ADGRL1: variants seen among roughly 807,000 people sequenced by gnomAD.
The protein encoded by ADGRL1 is adhesion G protein-coupled receptor L1, also known as CIRL-1.
ADGRL1 carries 31 observed loss-of-function variants against 148.9 expected under a neutral mutation model. That is an observed-to-expected ratio of 0.21 (90% confidence interval 0.16 to 0.28). The LOEUF is 0.28. ADGRL1 is among the 10% of genes least tolerant of loss of function. ADGRL1 has a pLI of 1.00. For missense variants in ADGRL1, 1,521 were observed against 2,058.8 expected (o/e 0.74, Z 5.05); for synonymous variants, 937 against 900.3 (o/e 1.04, Z -0.73).
rs746372140 is a variant in ADGRL1, at chr19:14,163,198, G to T, written c.603C>A (p.Arg201=). The part of the protein sequence containing the change: ...YVAARHTTTY[R]LPNRVDGTGF... ...CTGTGCCATCCACGCGGTTGGGCAG[G>T]CGGTAGGTGGTGGTGTGGCGGGCGG... is the stretch of plus-strand genomic sequence containing the variant. Residue 201 remains arginine (R), a synonymous_variant, in exon 5 of 23, where the codon CGC becomes CGA. Transcript: ENST00000361434. 1.9e-6 allele frequency: 3 copies of T among 1,614,058 alleles called. No individual in the cohort carries two copies. Among genetic ancestry groups the T allele is most frequent in the Non-Finnish European group, 2.5e-6 (3 of 1,180,026 alleles).
intron 2 of ADGRL1, among the ~76,000 whole-genome samples, chr19:14,179,320 CCATCTCT>C (rs1285560229): frequency 6.6e-6 from 1 of 152,080 alleles, no homozygotes; most frequent in Non-Finnish European, 1.5e-5. Context: ...CGGTGAAACC[CCATCTCT>C]ACCAAAAATA....
At chr19:14,203,169 A>AC (rs1972727149) in intron 1 of ADGRL1, among the ~76,000 whole-genome samples, 1 of 150,782 alleles carries the variant, frequency 6.6e-6, no homozygotes, top group African/African-American at 2.4e-5. Flanking sequence ...GACCCAGGGA[A>AC]CCCCCGCCTC....
intron 2 of ADGRL1, among the ~76,000 whole-genome samples, chr19:14,178,696 T>C (rs1970986636): frequency 1.3e-5 from 2 of 152,156 alleles, no homozygotes; most frequent in Non-Finnish European, 2.9e-5. Flanking sequence ...TTTTACATTG[T>C]TTCATAGAAA....
intron 3 of ADGRL1, among the ~76,000 whole-genome samples, chr19:14,173,452 G>A (rs1970612871): frequency 6.6e-6 from 1 of 152,066 alleles, no homozygotes; most frequent in Non-Finnish European, 1.5e-5. Flanking sequence ...GAGAAAACAT[G>A]GTATATACAA....
At chr19:14,174,972 G>T (rs888643666) in intron 3 of ADGRL1, among the ~76,000 whole-genome samples, 1 of 151,500 alleles carries the variant, frequency 6.6e-6, no homozygotes, top group African/African-American at 2.4e-5. Flanking sequence ...CATCTGAGTA[G>T]CTGGGACCAC....
intron 2 of ADGRL1, 116 bp downstream of exon 2, chr19:14,183,417 C>A (rs576790485): frequency 2.1e-6 from 2 of 941,034 alleles, no homozygotes; most frequent in Non-Finnish European, 3.2e-6. Context: ...AGGTCTGGGG[C>A]GGGGCAGGGG....
rs780931458 is a variant in ADGRL1, at chr19:14,151,156, C to A, written c.4127G>T (p.Arg1376Leu). ...GGCCCCGCTGGCATAGAGGGAGTCC[C>A]GGCCAGGAGGGGAGGAGAGGGGCCG... ...TSRPLSSPPG[R>L]DSLYASGANL... The change falls in exon 23 of 23, where the codon CGG becomes CTG. Residue 1376 changes from arginine to leucine, a missense_variant. Around this residue, in one of 8 missense-constraint regions of ADGRL1, gnomAD observed 390 missense variants for 375.0 expected, o/e 1.04. Transcript: ENST00000361434. The A allele has an allele frequency of 6.2e-7, 1 of 1,604,840 alleles. No homozygotes were observed. Among genetic ancestry groups the A allele is most frequent in the South Asian group, 1.1e-5 (1 of 89,984 alleles).
At chr19:14,192,650 G>A (rs1671022116) in intron 1 of ADGRL1, among the ~76,000 whole-genome samples, 2 of 150,016 alleles carry the variant, frequency 1.3e-5, no homozygotes, top group Non-Finnish European at 3.0e-5. Context: ...CAAGAACCTC[G>A]AGTGATTCTC....
intron 1 of ADGRL1, among the ~76,000 whole-genome samples, chr19:14,186,727 C>G (rs1302929416): frequency 1.3e-5 from 2 of 152,156 alleles, no homozygotes; most frequent in Non-Finnish European, 2.9e-5. Context: ...TCACTAGAGC[C>G]CAGAGGCTGT....
intron 4 of ADGRL1, among the ~76,000 whole-genome samples, chr19:14,166,842 G>A (rs1478931331): frequency 6.6e-6 from 1 of 151,972 alleles, no homozygotes; most frequent in African/African-American, 2.4e-5. Flanking sequence ...GGAGATGCCC[G>A]TGGCCGCACC....
At chr19:14,181,156 A>G (rs1039960771) in intron 2 of ADGRL1, among the ~76,000 whole-genome samples, 6 of 152,234 alleles carry the variant, frequency 3.9e-5, no homozygotes, top group Non-Finnish European at 8.8e-5. Context: ...GGACCCCCAA[A>G]CTTGTCATTG....
rs1969278975 is a variant in ADGRL1 at position 14,160,780 on chromosome 19, CAG to C, written c.1511-86_1511-85del. 6 of 799,912 alleles carry C rather than the reference CAG, an allele frequency of 7.5e-6. No individual in the cohort carries two copies. Among genetic ancestry groups the C allele is most frequent in the South Asian group, 4.3e-5 (3 of 70,498 alleles). The allele number at this position is 799,912 out of a possible 1,614,324, so 49.6% of individuals were successfully genotyped here. ...GGACAGAGAGGGGGAAAGGAGATGA[CAG>C]AGAGTGGGGGACGAGCGGGCGAAGA... is the stretch of plus-strand genomic sequence containing the variant. On this transcript the variant is annotated intron_variant, in intron 6 of 22. Coordinates refer to ENST00000361434, the MANE Select transcript of ADGRL1 (RefSeq NM_014921.5). This position sits in a 1 kb window ranked among gnomAD's most constrained non-coding sequence, Gnocchi z 5.9.
intron 18 of ADGRL1, among the ~76,000 whole-genome samples, chr19:14,154,108 G>T (rs1968493455): frequency 6.6e-6 from 1 of 152,090 alleles, no homozygotes; most frequent in Admixed American, 6.5e-5. Context: ...CAGACCATAG[G>T]GGCCTGGGGT....
chr19:14,187,630 A>T (rs2420416), intron 1 of ADGRL1, among the ~76,000 whole-genome samples: 2 of 135,192 alleles, frequency 1.5e-5, no homozygotes, highest in East Asian at 2.4e-4. Flanking sequence ...AGACACGGCC[A>T]GTGTCACTTT....
chr19:14,159,109 G>A lies in ADGRL1; in HGVS notation c.2130C>T (p.Ile710=). Residue 710 remains isoleucine, a synonymous_variant, in exon 11 of 23, where the codon ATC becomes ATT. Transcript: ENST00000361434. This position sits in a 1 kb window ranked among gnomAD's most constrained non-coding sequence, Gnocchi z 6.0. ...KNSIQLSAKT[I]KQNSRNGVVK... ...ACTGACCATTGCGGCTGTTCTGCTT[G>A]ATGGTTTTGGCAGACAGCTGGATGG... 6.2e-7 allele frequency: 1 copy of A among 1,614,116 alleles called. No homozygotes were observed.
rs919349488 is a variant in ADGRL1 at position 14,161,754 on chromosome 19, C to T, written c.1196-128G>A. 3.1e-6 allele frequency: 2 copies of T among 636,084 alleles called. No individual in the cohort carries two copies. The highest frequency in any genetic ancestry group is 3.8e-5 in the African/African-American group (2 of 52,222). The allele number at this position is 636,084 out of a possible 1,614,324, so 39.4% of individuals were successfully genotyped here. On this transcript the variant is annotated intron_variant, in intron 5 of 22. Transcript: ENST00000361434. The surrounding 1 kb of genome is among the most constrained non-coding windows in gnomAD (Gnocchi z 4.4). ...TGAAGTGGAAACACGTGCCGGGCCC[C>T]ACTGGGTCTATGAGTTGATCTCCCC...
chr19:14,151,116 T>C lies in ADGRL1; in HGVS notation c.4167A>G (p.Ser1389=). The change falls in exon 23 of 23, where the codon TCA becomes TCG. Residue 1389 remains serine (S), a synonymous_variant. Transcript: ENST00000361434. ...CAGGGCTGCTGTCCGGGTAGGAGGG[T>C]GAGTCCCGCAGGTTGGCCCCGCTGG... is the stretch of plus-strand genomic sequence containing the variant. ...LYASGANLRD[S]PSYPDSSPEG... is the part of the protein sequence containing the mutation. The C allele has an allele frequency of 6.4e-7, 1 of 1,563,852 alleles. No homozygotes were observed. Among genetic ancestry groups the C allele is most frequent in the Non-Finnish European group, 8.6e-7 (1 of 1,157,522 alleles).
At chr19:14,195,113 G>A (rs899070275) in intron 1 of ADGRL1, among the ~76,000 whole-genome samples, 1 of 151,848 alleles carries the variant, frequency 6.6e-6, no homozygotes, top group Admixed American at 6.6e-5. Context: ...TTGAATTCCT[G>A]GGCTCAAGCG....
At chr19:14,185,124 C>T (rs1238046273) in intron 1 of ADGRL1, among the ~76,000 whole-genome samples, 1 of 152,018 alleles carries the variant, frequency 6.6e-6, no homozygotes, top group African/African-American at 2.4e-5. Flanking sequence ...CTTATGGCTG[C>T]TCCTTCTCAC....
Sources: gnomAD v4.1 joint callset for allele counts (sites outside exome capture counted in the v4.1 genomes callset) on GRCh38, gnomAD v4.1.1 for gene constraint, gnomAD v4.1.1 regional missense constraint, Gnocchi (gnomAD v3.1) non-coding constraint, MANE v1.5 for transcripts, NCBI Gene and HGNC (gene_info 2026-07-23, HGNC 2026-07-21) for gene names.